SHF: variants seen among roughly 807,000 people sequenced by gnomAD.
SHF encodes the protein Src homology 2 domain containing F, also known as SH2 domain-containing adapter protein F.
SHF carries 30 observed loss-of-function variants against 42.4 expected under a neutral mutation model. The observed-to-expected ratio is 0.71, with a 90% CI of 0.53 to 0.96. The LOEUF is 0.96. Among genes scored for constraint, SHF ranks in the 40% least tolerant of loss-of-function variants. The pLI is 0.00. For missense variants in SHF, 598 were observed against 634.0 expected (o/e 0.94, Z 0.61); for synonymous variants, 264 against 269.9 (o/e 0.98, Z 0.21).
intron 1 of SHF, among the ~76,000 whole-genome samples, chr15:45,182,165 C>G (rs576635310): frequency 6.6e-6 from 1 of 152,352 alleles, no homozygotes; most frequent in South Asian, 2.1e-4. Flanking sequence ...CCATGCAACA[C>G]ATCCCTGACC....
At chr15:45,190,460 A>G (rs757811944), upstream of SHF, among the ~76,000 whole-genome samples, 3 of 152,174 alleles carry the variant, frequency 2.0e-5, no homozygotes, top group Non-Finnish European at 4.4e-5. Context: ...ACTTGCTTTC[A>G]TGATCTCTGG....
chr15:45,198,577 A>G (rs572878207), intron 2 of SHF: 22 of 573,996 alleles, frequency 3.8e-5, no homozygotes, highest in Non-Finnish European at 5.7e-5. Context: ...AAAAATACCG[A>G]GCCCCTTGCC....
intron 3 of SHF, 36 bp downstream of exon 3, chr15:45,175,183 G>C: frequency 6.4e-7 from 1 of 1,570,196 alleles, no homozygotes; most frequent in Non-Finnish European, 8.6e-7. Context: ...GCTGCTCAGA[G>C]GCCCCAGCTG....
chr15:45,198,798 G>A (rs1264721687), exon 2 of SHF: 1 of 1,613,662 alleles, frequency 6.2e-7, no homozygotes, highest in East Asian at 2.2e-5. Flanking sequence ...CTGTCCCTGA[G>A]TCTGATAATG....
intron 2 of SHF, among the ~76,000 whole-genome samples, chr15:45,177,490 T>C (rs180707029): frequency 1.3e-5 from 2 of 152,318 alleles, no homozygotes; most frequent in Admixed American, 6.5e-5. Context: ...ACTCCCCATT[T>C]TGAAGCAAGT....
At chr15:45,200,567 T>C (rs1366079833) in intron 1 of SHF, 1 of 366,480 alleles carries the variant, frequency 2.7e-6, no homozygotes, top group South Asian at 2.0e-5. Flanking sequence ...TGTCATTGAT[T>C]TGTCATTGTT....
intron 2 of SHF, among the ~76,000 whole-genome samples, chr15:45,197,616 A>T (rs2467838): frequency 0.49 from 74,554 of 152,062 alleles, 20,991 homozygotes; most frequent in Non-Finnish European, 0.65. Flanking sequence ...TTATATGGGT[A>T]TAGTAAACAG....
At chr15:45,169,679 G>A (rs546574664) in intron 6 of SHF, among the ~76,000 whole-genome samples, 71 of 152,356 alleles carry the variant, frequency 4.7e-4, no homozygotes, top group African/African-American at 1.6e-3. Context: ...GCTGCACATT[G>A]TATCTTCTCA....
chr15:45,169,381 C>A (rs1897360728), intron 6 of SHF, among the ~76,000 whole-genome samples: 1 of 152,178 alleles, frequency 6.6e-6, no homozygotes, highest in Admixed American at 6.5e-5. Context: ...AGGAGCCTAG[C>A]AGACTGCTAG....
chr15:45,193,814 G>C (rs1488111017), intron 2 of SHF, among the ~76,000 whole-genome samples: 1 of 152,078 alleles, frequency 6.6e-6, no homozygotes, highest in East Asian at 1.9e-4. Context: ...TGAGCTGGTA[G>C]GATTTGGACA....
chr15:45,171,996 A>C lies in SHF; in HGVS notation c.1167T>G (p.Tyr389Ter). Residue 389 changes from tyrosine (Y) to a stop codon, truncating the protein, a stop_gained, in exon 6 of 7, where the codon TAT becomes TAG. Transcript: ENST00000690270. LOFTEE classifies it high-confidence loss of function. ...CGTCGGTTCGGCTGATGGCCCCGTGATACCAGCTAAGGATGAGAGAGAGGA... is the reference window on the plus strand; with the variant it reads ...CGTCGGTTCGGCTGATGGCCCCGTGCTACCAGCTAAGGATGAGAGAGAGGA... ...PALPLENQVW[Y>*]HGAISRTDAE... 7 of 1,613,938 alleles carry C rather than the reference A, an allele frequency of 4.3e-6. No individual in the cohort carries two copies. Among genetic ancestry groups the C allele is most frequent in the Non-Finnish European group, 5.9e-6 (7 of 1,179,864 alleles).
rs1378294452 is a variant in SHF, at chr15:45,187,474, G to A, written c.478C>T (p.Pro160Ser). 30 of 1,232,484 alleles carry A rather than the reference G, an allele frequency of 2.4e-5. No individual in the cohort carries two copies. In the Admixed American group the frequency reaches 1.1e-3, roughly 45 times the overall value. 76.3% of individuals were successfully genotyped at this position (1,232,484 alleles called of 1,614,324 possible). Reference sequence around the variant, plus strand: ...CTCACCCTATCGCTGCTGGCGGGGGGTCCGGAGATCCGCTCATCAGCAGGC... The same window carrying A: ...CTCACCCTATCGCTGCTGGCGGGGGATCCGGAGATCCGCTCATCAGCAGGC... The part of the protein sequence containing the change: ...APPADERISG[P>S]PASSDRLAIL... Residue 160 changes from proline (P) to serine (S), a missense_variant, in exon 1 of 7, where the codon CCC (proline) becomes TCC (serine). Coordinates refer to ENST00000690270, the MANE Select transcript of SHF (RefSeq NM_001394037.1).
chr15:45,189,502 G>C (rs8041284), upstream of SHF, among the ~76,000 whole-genome samples: 14,936 of 147,770 alleles, frequency 0.1, 2,445 homozygotes, highest in African/African-American at 0.35. Context: ...AATGCTCCCA[G>C]CTCAGCCTCC....
chr15:45,170,244 G>T, intron 6 of SHF: 2 of 747,248 alleles, frequency 2.7e-6, no homozygotes, highest in Non-Finnish European at 3.7e-6. Context: ...TTATTACCGG[G>T]TGGCCTTGGG....
exon 2 of SHF, chr15:45,198,844 C>T: frequency 6.2e-7 from 1 of 1,613,984 alleles, no homozygotes; most frequent in Admixed American, 1.7e-5. Context: ...TGCTTTTCTT[C>T]TTCTGTTTTG....
intron 2 of SHF, among the ~76,000 whole-genome samples, chr15:45,195,567 A>AT (rs60318575): frequency 0.028 from 4,230 of 152,160 alleles, 216 homozygotes; most frequent in African/African-American, 0.099. Flanking sequence ...TTTAAAGTCT[A>AT]TTTTTTTAAA....
Position 45,187,858 on chromosome 15 carries a change from CG to C in SHF, c.93del (p.Ala32ProfsTer16). The C allele has an allele frequency of 1.8e-6, 2 of 1,099,080 alleles. No homozygotes were observed. The highest frequency in any genetic ancestry group is 2.3e-6 in the Non-Finnish European group (2 of 879,866). The allele number at this position is 1,099,080 out of a possible 1,614,324, so 68.1% of individuals were successfully genotyped here. ...CCTGGGCCGGCTCCCGCACCCCCGGCGCCCCGGCGGGACCCCCCCGGGCCGC... is the reference window on the plus strand; with the variant it reads ...CCTGGGCCGGCTCCCGCACCCCCGGCCCCCGGCGGGACCCCCCCGGGCCGC... ...AGGGPGGSRR[G>X]AGGAGAGPGG... is the part of the protein sequence containing the mutation. On this transcript the variant is annotated frameshift_variant, in exon 1 of 7. Transcript: ENST00000690270. LOFTEE classifies it high-confidence loss of function.
At chr15:45,170,311 CA>C (rs1390222989) in intron 6 of SHF, 3 of 1,199,948 alleles carry the variant, frequency 2.5e-6, no homozygotes, top group Non-Finnish European at 3.2e-6. Context: ...ATCTATCTTG[CA>C]GGGGAGTAGT....
At chr15:45,194,531 T>C (rs989053971) in intron 2 of SHF, among the ~76,000 whole-genome samples, 1 of 152,072 alleles carries the variant, frequency 6.6e-6, no homozygotes, top group Non-Finnish European at 1.5e-5. Context: ...TTTGTATTTT[T>C]AGTAGAGACA....
Sources: allele counts gnomAD v4.1 joint callset (sites outside exome capture counted in the v4.1 genomes callset), GRCh38; gene constraint gnomAD v4.1.1; transcripts MANE v1.5; gene names NCBI Gene and HGNC (gene_info 2026-07-23, HGNC 2026-07-21).